Variants in RCVRN observed in about 807,000 individuals in gnomAD.
RCVRN encodes cancer associated retinopathy antigen.
In RCVRN, 23 loss-of-function variants were observed where a neutral mutation model predicts 20.4. The observed-to-expected ratio is 1.13, with a 90% CI of 0.81 to 1.60. RCVRN has a LOEUF of 1.60. RCVRN is among the 40% of genes most tolerant of loss of function. The probability of loss-of-function intolerance (pLI) is 0.00; values close to 1 mark genes in which losing one functional copy is unlikely to be tolerated. For missense variants in RCVRN, 254 were observed against 254.2 expected (o/e 1.00, Z 0.00); for synonymous variants, 105 against 105.9 (o/e 0.99, Z 0.05).
Position 9,897,820 on chromosome 17 carries a change from G to C in RCVRN, c.*275C>G. ...GGCCTAATCCTGGGATTAGCACAGG[G>C]CCATGGGCTGGTGGACAGAGGGAGG... is the stretch of plus-strand genomic sequence containing the variant. On this transcript the variant is annotated 3_prime_UTR_variant, in exon 3 of 3. Coordinates refer to ENST00000226193, the MANE Select transcript of RCVRN (RefSeq NM_002903.3). The C allele has an allele frequency of 2.3e-6, 1 of 437,292 alleles. No homozygotes were observed. Among genetic ancestry groups the C allele is most frequent in the South Asian group, 2.7e-5 (1 of 36,474 alleles). 27.1% of individuals were successfully genotyped at this position (437,292 alleles called of 1,614,324 possible).
In RCVRN at chr17:9,905,112, G is replaced by C; in HGVS notation, c.69C>G (p.Phe23Leu). The change falls in exon 1 of 3, where the codon TTC becomes TTG. Residue 23 changes from phenylalanine to leucine, a missense_variant. Coordinates refer to ENST00000226193, the MANE Select transcript of RCVRN (RefSeq NM_002903.3). ...ACCAGGAGCACAGCTCCTCCTCCGA[G>C]AACTTGGTGTTCAGCTGCAGCTCCT... is the stretch of plus-strand genomic sequence containing the variant. ...ILEELQLNTK[F>L]SEEELCSWYQ... 2 of 1,610,498 alleles carry C rather than the reference G, an allele frequency of 1.2e-6. No homozygotes were observed. Among genetic ancestry groups the C allele is most frequent in the Non-Finnish European group, 1.7e-6 (2 of 1,178,514 alleles).
rs746080724 is a variant in RCVRN, at chr17:9,901,111, CA to C, written c.382-12del. On this transcript the variant is annotated splice_polypyrimidine_tract_variant and intron_variant, in intron 1 of 2. Transcript: ENST00000226193. ...CATTTTGAAAATAGCCTGTACCAAA[CA>C]GAAAGAAAGAACTCGTTAGGAGGAA... The C allele has an allele frequency of 5.9e-6, 9 of 1,520,666 alleles. No individual in the cohort carries two copies. The East Asian group carries it at 1.8e-4, about 31-fold the overall frequency. The allele number at this position is 1,520,666 out of a possible 1,614,324, so 94.2% of individuals were successfully genotyped here. A position where few individuals can be genotyped will look rare whatever the true frequency, so the allele number is the denominator to read the frequency against.
At position 9,896,426 on chromosome 17, in the gene RCVRN, C is replaced by T. The variant is rs1327594756; in HGVS notation, c.*1669G>A. ...TGGCTAAAGTGGGGTCTGGAGGCAT[C>T]ACCACAATACCAGCAACTAGAGACT... On this transcript the variant is annotated 3_prime_UTR_variant, in exon 3 of 3. Transcript: ENST00000226193. 2 of 152,198 alleles carry T rather than the reference C, an allele frequency of 1.3e-5. No individual in the cohort carries two copies. Among genetic ancestry groups the T allele is most frequent in the Non-Finnish European group, 2.9e-5 (2 of 68,038 alleles). The allele number at this position is 152,198 out of a possible 1,614,324, so 9.4% of individuals were successfully genotyped here. A position where few individuals can be genotyped will look rare whatever the true frequency, so the allele number is the denominator to read the frequency against.
chr17:9,898,479 G>A (rs1353091194), intron 2 of RCVRN, among the ~76,000 whole-genome samples: 2 of 152,218 alleles, frequency 1.3e-5, no homozygotes, highest in Admixed American at 6.5e-5. Flanking sequence ...CTTGTGCTAT[G>A]TGTCTCTTCC....
chr17:9,903,345 T>A (rs1183052255), intron 1 of RCVRN, among the ~76,000 whole-genome samples: 2 of 152,228 alleles, frequency 1.3e-5, no homozygotes, highest in South Asian at 4.1e-4. Context: ...GAGGACAGTA[T>A]GGACAGGGGA....
chr17:9,898,137 C>G lies in RCVRN; in HGVS notation c.561G>C (p.Gln187His), dbSNP rs2067326684. 1.9e-6 allele frequency: 3 copies of G among 1,613,914 alleles called. No homozygotes were observed. The highest frequency in any genetic ancestry group is 1.3e-5 in the African/African-American group (1 of 74,882). The change falls in exon 3 of 3, where the codon CAG (glutamine) becomes CAC (histidine). Residue 187 changes from glutamine to histidine, a missense_variant. Gln to His is a conservative substitution (Grantham distance 24). Transcript: ENST00000226193. ...TTTCCTTCACTTTTTGAGGCTCAAA[C>G]TGGATCAGTCGCAGAATTTCCTTAT... is the stretch of plus-strand genomic sequence containing the variant. ...LANKEILRLI[Q>H]FEPQKVKEKM... is the part of the protein sequence containing the mutation.
intron 2 of RCVRN, among the ~76,000 whole-genome samples, chr17:9,898,428 C>T (rs1055969929): frequency 5.9e-5 from 9 of 152,194 alleles, no homozygotes; most frequent in Admixed American, 2.0e-4. Context: ...CAGCAAAGAG[C>T]GGTGAATGAC....
chr17:9,898,044 A>T lies in RCVRN; in HGVS notation c.*51T>A. 1 of 1,202,904 alleles carries T rather than the reference A, an allele frequency of 8.3e-7. No homozygotes were observed. Among genetic ancestry groups the T allele is most frequent in the Non-Finnish European group, 1.2e-6 (1 of 805,078 alleles). The allele number at this position is 1,202,904 out of a possible 1,614,324, so 74.5% of individuals were successfully genotyped here. On this transcript the variant is annotated 3_prime_UTR_variant, in exon 3 of 3. Coordinates refer to ENST00000226193, the MANE Select transcript of RCVRN (RefSeq NM_002903.3). Reference sequence around the variant, plus strand: ...TGTGTGTGTGTGTGCACAGGCGCTCACGGGTGTCATGTGAGTGGTAGGTGG... The same window carrying T: ...TGTGTGTGTGTGTGCACAGGCGCTCTCGGGTGTCATGTGAGTGGTAGGTGG...
intron 1 of RCVRN, among the ~76,000 whole-genome samples, chr17:9,903,569 T>C (rs1017040840): frequency 2.0e-5 from 3 of 152,222 alleles, no homozygotes; most frequent in African/African-American, 7.2e-5. Context: ...GTGTTTAGAA[T>C]GAACAGTGAT....
Position 9,896,745 on chromosome 17 carries a change from GGGCTTTAGGGCCATCTAT to G in RCVRN, c.*1332_*1349del, listed in dbSNP as rs2067318602. ...TCCTTTTCCTTGTCTCTAAAACAAG[GGGCTTTAGGGCCATCTAT>G]GGCTCTGCCTTCACCTCATACTATA... On this transcript the variant is annotated 3_prime_UTR_variant, in exon 3 of 3. Coordinates refer to ENST00000226193, the MANE Select transcript of RCVRN (RefSeq NM_002903.3). The G allele has an allele frequency of 6.6e-6, 1 of 152,194 alleles. No homozygotes were observed. The highest frequency in any genetic ancestry group is 2.4e-5 in the African/African-American group (1 of 41,436). 9.4% of individuals were successfully genotyped at this position (152,194 alleles called of 1,614,324 possible). A position where few individuals can be genotyped will look rare whatever the true frequency, so the allele number is the denominator to read the frequency against.
In RCVRN at chr17:9,904,728, G is replaced by A. The variant is rs2067355569; in HGVS notation, c.381+72C>T. On this transcript the variant is annotated intron_variant, in intron 1 of 2. Transcript: ENST00000226193. This position sits in a 1 kb window ranked among gnomAD's most constrained non-coding sequence, Gnocchi z 5.8. ...CCACAGATCCACTCCCTCTGCAGCAGCTGCAGCAGGGGACCCCCAGCCCGG... is the reference window on the plus strand; with the variant it reads ...CCACAGATCCACTCCCTCTGCAGCAACTGCAGCAGGGGACCCCCAGCCCGG... The A allele has an allele frequency of 2.0e-6, 3 of 1,530,744 alleles. No individual in the cohort carries two copies. Among genetic ancestry groups the A allele is most frequent in the Admixed American group, 1.8e-5 (1 of 55,964 alleles). 94.8% of individuals were successfully genotyped at this position (1,530,744 alleles called of 1,614,324 possible).
intron 1 of RCVRN, among the ~76,000 whole-genome samples, chr17:9,902,992 G>GA (rs10604300): frequency 2.3e-4 from 34 of 148,388 alleles, no homozygotes; most frequent in African/African-American, 6.2e-4. Flanking sequence ...TCTGTCTGAA[G>GA]AAAAAAAAAA....
chr17:9,904,890 C>A lies in RCVRN; in HGVS notation c.291G>T (p.Lys97Asn). The change falls in exon 1 of 3, where the codon AAG (lysine) becomes AAT (asparagine). Residue 97 changes from lysine (K) to asparagine (N), a missense_variant. Transcript: ENST00000226193. This position sits in a 1 kb window ranked among gnomAD's most constrained non-coding sequence, Gnocchi z 5.8. ...AGGCCCACTCCAGCTTCTGGTTGGT[C>A]TTGCCCGCGGTGGTCATGTGCAGGG... ...VIALHMTTAG[K>N]TNQKLEWAFS... 1.9e-6 allele frequency: 3 copies of A among 1,614,250 alleles called. No homozygotes were observed. The highest frequency in any genetic ancestry group is 2.5e-6 in the Non-Finnish European group (3 of 1,180,044).
rs376748693 is a variant in RCVRN, at chr17:9,897,999, T to TGTGC, written c.*95_*96insGCAC. ...TGGGGTGGATGTGTGTGTGTGTGTG[T>TGTGC]GCGCGCGCGTGTGTGTGCATGTGTG... On this transcript the variant is annotated 3_prime_UTR_variant, in exon 3 of 3. Coordinates refer to ENST00000226193, the MANE Select transcript of RCVRN (RefSeq NM_002903.3). 128 of 730,612 alleles carry TGTGC rather than the reference T, an allele frequency of 1.8e-4. No homozygotes were observed. The highest frequency in any genetic ancestry group is 2.5e-4 in the Non-Finnish European group (101 of 399,368). 45.3% of individuals were successfully genotyped at this position (730,612 alleles called of 1,614,324 possible).
chr17:9,901,097 T>C lies in RCVRN; in HGVS notation c.385A>G (p.Ile129Val), dbSNP rs1165382607. 8.2e-6 allele frequency: 13 copies of C among 1,577,394 alleles called. No homozygotes were observed. The highest frequency in any genetic ancestry group is 2.3e-5 in the South Asian group (2 of 88,406). The change falls in exon 2 of 3, where the codon ATT becomes GTT. Residue 129 changes from isoleucine to valine, a missense_variant. By Grantham distance (29) the Ile-to-Val change is conservative. Transcript: ENST00000226193. ...KNEVLEIVMA[I>V]FKMITPEDVK... Reference sequence around the variant, plus strand: ...TCCTCGGGAGTGATCATTTTGAAAATAGCCTGTACCAAACAGAAAGAAAGA... The same window carrying C: ...TCCTCGGGAGTGATCATTTTGAAAACAGCCTGTACCAAACAGAAAGAAAGA...
In RCVRN at chr17:9,898,110, C is replaced by G. The variant is rs774442625; in HGVS notation, c.588G>C (p.Lys196Asn). 6.2e-7 allele frequency: 1 copy of G among 1,613,508 alleles called. No homozygotes were observed. The highest frequency in any genetic ancestry group is 8.5e-7 in the Non-Finnish European group (1 of 1,179,468). The change falls in exon 3 of 3, where the codon AAG becomes AAC. Residue 196 changes from lysine to asparagine, a missense_variant. Physicochemically the swap from Lys to Asn is moderately conservative, Grantham distance 94. Coordinates refer to ENST00000226193, the MANE Select transcript of RCVRN (RefSeq NM_002903.3). ...IQFEPQKVKEKMKNA is the reference protein window; with the variant it reads ...IQFEPQKVKENMKNA The stretch of plus-strand genomic sequence containing the variant: ...ACAGTTGGCATCAGGCGTTCTTCAT[C>G]TTTTCCTTCACTTTTTGAGGCTCAA...
In RCVRN at chr17:9,898,002, G is replaced by A. The variant is rs570523016; in HGVS notation, c.*93C>T. 4.6e-4 allele frequency: 364 copies of A among 787,226 alleles called. 1 individual carries two copies. Among genetic ancestry groups the A allele is most frequent in the Non-Finnish European group, 6.9e-4 (303 of 438,792 alleles). The allele number at this position is 787,226 out of a possible 1,614,324, so 48.8% of individuals were successfully genotyped here. On this transcript the variant is annotated 3_prime_UTR_variant, in exon 3 of 3. Transcript: ENST00000226193. ...GGTGGATGTGTGTGTGTGTGTGTGC[G>A]CGCGCGTGTGTGTGCATGTGTGTGT...
rs1170506150 is a variant in RCVRN at position 9,898,162 on chromosome 17, T to C, written c.536A>G (p.Asn179Ser). ...CTGGATCAGTCGCAGAATTTCCTTA[T>C]TGGCCAGTGTCCCCTCAATGAATTC... ...EKEFIEGTLA[N>S]KEILRLIQFE... The change falls in exon 3 of 3, where the codon AAT (asparagine) becomes AGT (serine). Residue 179 changes from asparagine to serine, a missense_variant. Coordinates refer to ENST00000226193, the MANE Select transcript of RCVRN (RefSeq NM_002903.3). 6.2e-7 allele frequency: 1 copy of C among 1,613,866 alleles called. No homozygotes were observed. The highest frequency in any genetic ancestry group is 8.5e-7 in the Non-Finnish European group (1 of 1,179,856).
At chr17:9,900,816 C>A (rs1176444552) in intron 2 of RCVRN, among the ~76,000 whole-genome samples, 173 bp downstream of exon 2, 1 of 152,140 alleles carries the variant, frequency 6.6e-6, no homozygotes, top group Non-Finnish European at 1.5e-5. Flanking sequence ...TCCTGCTCAC[C>A]CTTAAGGCCA....
Sources: allele counts gnomAD v4.1 joint callset (sites outside exome capture counted in the v4.1 genomes callset), GRCh38; gene constraint gnomAD v4.1.1; non-coding constraint Gnocchi (gnomAD v3.1); transcripts MANE v1.5; gene names NCBI Gene and HGNC (gene_info 2026-07-23, HGNC 2026-07-21).